RBMS3: variants seen among roughly 807,000 people sequenced by gnomAD.
The protein encoded by RBMS3 is RNA binding motif single stranded interacting protein 3, also known as RNA-binding motif, single-stranded-interacting protein 3.
In RBMS3, 27 loss-of-function variants were observed where a neutral mutation model predicts 66.8. That is an observed-to-expected ratio of 0.40 (90% CI 0.30 to 0.56). The LOEUF is 0.56. RBMS3 is among the 20% of genes least tolerant of loss of function. The pLI is 0.40. For synonymous variants in RBMS3, 188 were observed against 183.0 expected, an observed-to-expected ratio of 1.03 and a Z score of -0.22; for missense variants, 513 against 549.5, an observed-to-expected ratio of 0.93 and a Z score of 0.66.
chr3:29,533,122 A>G (rs1434892538), intron 3 of RBMS3, among the ~76,000 whole-genome samples: 1 of 152,196 alleles, frequency 6.6e-6, no homozygotes, highest in Non-Finnish European at 1.5e-5. Context: ...AATGGTCGAT[A>G]GAAATTTCTT....
rs187211827 is a variant in RBMS3 at position 29,409,576 on chromosome 3, T to G, written c.76-25167T>G. 2.0e-5 allele frequency among the ~76,000 whole-genome samples: 3 copies of G among 152,360 alleles called. No homozygotes were observed. The East Asian group carries it at 5.8e-4, about 29-fold the overall frequency. ...TCCAAAAGGCTGAGTAGTTGGGTTCTAAACTACTTAGTTATTCTCTTGGGA... is the reference window on the plus strand; with the variant it reads ...TCCAAAAGGCTGAGTAGTTGGGTTCGAAACTACTTAGTTATTCTCTTGGGA... On this transcript the variant is annotated intron_variant, in intron 1 of 14. Transcript: ENST00000383767.
intron 12 of RBMS3, among the ~76,000 whole-genome samples, chr3:29,966,771 G>C (rs1427648053): frequency 6.6e-6 from 1 of 152,154 alleles, no homozygotes; most frequent in Non-Finnish European, 1.5e-5. Context: ...TCTTGTTCCA[G>C]TTCTCAGAGG....
rs191754006 is a variant in RBMS3, at chr3:29,989,280, A to T, written c.1179+1057A>T. On this transcript the variant is annotated intron_variant, in intron 13 of 14. Coordinates refer to ENST00000383767, the MANE Select transcript of RBMS3 (RefSeq NM_001003793.3). ...ATTTTACTGGACAGGGCCATAAACT[A>T]CATAGAAATGGAGAGGGCATAGAGC... is the stretch of plus-strand genomic sequence containing the variant. Among the ~76,000 whole-genome samples, 405 of 152,278 alleles carry T rather than the reference A, an allele frequency of 2.7e-3. 8 individuals carry two copies. Among genetic ancestry groups the T allele is most frequent in the Admixed American group, 0.025 (378 of 15,280 alleles).
chr3:29,341,346 C>T (rs2036271479), intron 1 of RBMS3, among the ~76,000 whole-genome samples: 1 of 151,964 alleles, frequency 6.6e-6, no homozygotes, highest in African/African-American at 2.4e-5. Flanking sequence ...AAAAGAGATT[C>T]AGGGAAATTT....
intron 1 of RBMS3, among the ~76,000 whole-genome samples, chr3:29,391,842 C>T (rs2039310317): frequency 6.6e-6 from 1 of 151,958 alleles, no homozygotes; most frequent in African/African-American, 2.4e-5. Flanking sequence ...TTGTAAAACT[C>T]AATACAGAAA....
At chr3:29,865,594 T>G (rs2059340373) in intron 6 of RBMS3, among the ~76,000 whole-genome samples, 1 of 152,120 alleles carries the variant, frequency 6.6e-6, no homozygotes, top group African/African-American at 2.4e-5. Context: ...AATCTGACAT[T>G]AACAGAAGCC....
intron 7 of RBMS3, chr3:29,880,843 G>A (rs1039421735): frequency 2.6e-6 from 4 of 1,529,364 alleles, no homozygotes; most frequent in South Asian, 1.2e-5. Flanking sequence ...ATTCATTCCC[G>A]ACCCTTTTGC....
Position 29,342,738 on chromosome 3 carries a change from T to C in RBMS3, c.75+60982T>C, listed in dbSNP as rs553537592. On this transcript the variant is annotated intron_variant, in intron 1 of 14. Coordinates refer to ENST00000383767, the MANE Select transcript of RBMS3 (RefSeq NM_001003793.3). ...AGTCAGGTAAGTATATGTTAAAACC[T>C]ATACGTAGTGGTTGAATTACACAGT... is the stretch of plus-strand genomic sequence containing the variant. 3.3e-5 allele frequency among the ~76,000 whole-genome samples: 5 copies of C among 152,292 alleles called. No individual in the cohort carries two copies. The East Asian group carries it at 7.7e-4, about 23-fold the overall frequency.
At chr3:29,988,485 C>T (rs922674406) in intron 13 of RBMS3, among the ~76,000 whole-genome samples, 1 of 152,210 alleles carries the variant, frequency 6.6e-6, no homozygotes, top group Non-Finnish European at 1.5e-5. Flanking sequence ...GGCCAAATCA[C>T]AACTCCATCA....
intron 6 of RBMS3, among the ~76,000 whole-genome samples, chr3:29,806,745 T>A (rs2057560748): frequency 6.6e-6 from 1 of 151,280 alleles, no homozygotes; most frequent in Non-Finnish European, 1.5e-5. Context: ...TGTGGTAAAT[T>A]CTCTCTCACT....
chr3:29,534,065 T>A (rs1273623864), intron 3 of RBMS3, among the ~76,000 whole-genome samples: 1 of 152,238 alleles, frequency 6.6e-6, no homozygotes, highest in Admixed American at 6.5e-5. Flanking sequence ...CAGGCTGATG[T>A]CTGTCCTTGT....
chr3:29,308,856 C>T (rs1286197440), intron 1 of RBMS3, among the ~76,000 whole-genome samples: 1 of 148,282 alleles, frequency 6.7e-6, no homozygotes, highest in Non-Finnish European at 1.5e-5. Context: ...ACCTTGAATG[C>T]CATGGTAAGG....
chr3:29,834,971 G>A (rs1334536809), intron 6 of RBMS3, among the ~76,000 whole-genome samples: 1 of 151,888 alleles, frequency 6.6e-6, no homozygotes, highest in African/African-American at 2.4e-5. Flanking sequence ...AAACCAAAAA[G>A]AGCAGGAGTA....
At chr3:29,364,474 T>G (rs79902431) in intron 1 of RBMS3, among the ~76,000 whole-genome samples, 3,690 of 152,258 alleles carry the variant, frequency 0.024, 163 homozygotes, top group African/African-American at 0.085. Context: ...AAAGTATGAA[T>G]AAGTATTTAA....
At chr3:29,520,936 A>G (rs2044832976) in intron 3 of RBMS3, among the ~76,000 whole-genome samples, 1 of 152,130 alleles carries the variant, frequency 6.6e-6, no homozygotes, top group Non-Finnish European at 1.5e-5. Flanking sequence ...CTCTGCCTGT[A>G]GAGTGCTTTC....
At chr3:29,934,322 G>C (rs1157549753) in intron 10 of RBMS3, among the ~76,000 whole-genome samples, 2 of 151,546 alleles carry the variant, frequency 1.3e-5, no homozygotes, top group Non-Finnish European at 2.9e-5. Flanking sequence ...AAAAAAAAAT[G>C]CTTCAGGACT....
At chr3:29,572,323 G>A (rs2046977450) in intron 3 of RBMS3, among the ~76,000 whole-genome samples, 1 of 152,058 alleles carries the variant, frequency 6.6e-6, no homozygotes, top group Non-Finnish European at 1.5e-5. Context: ...AATAACAGTG[G>A]TGAATGTGAA....
intron 4 of RBMS3, among the ~76,000 whole-genome samples, chr3:29,665,175 A>G (rs572351294): frequency 6.6e-6 from 1 of 152,296 alleles, no homozygotes; most frequent in East Asian, 1.9e-4. Context: ...TAAATATTTA[A>G]CTAGTTTTTC....
intron 10 of RBMS3, among the ~76,000 whole-genome samples, chr3:29,919,079 A>G (rs903285961): frequency 2.0e-5 from 3 of 152,174 alleles, no homozygotes; most frequent in African/African-American, 7.2e-5. Context: ...ACTCTTTTAA[A>G]GAGTTTTTCC....
Sources: allele counts gnomAD v4.1 joint callset (sites outside exome capture counted in the v4.1 genomes callset), GRCh38; gene constraint gnomAD v4.1.1; transcripts MANE v1.5; gene names NCBI Gene and HGNC (gene_info 2026-07-23, HGNC 2026-07-21).